The following GBP2 variants were observed in gnomAD, a reference collection of about 807,000 sequenced individuals.
The protein encoded by GBP2 is guanylate binding protein 2.
Under a neutral mutation model 60.8 loss-of-function variants are expected in GBP2, and 54 were observed. The ratio of observed to expected loss-of-function variants is 0.89; its 90% CI spans 0.71 to 1.11. GBP2 has a LOEUF of 1.11. GBP2 is among the 50% of genes most tolerant of loss of function. The pLI is 0.00. For missense variants in GBP2, 665 were observed against 703.3 expected, an observed-to-expected ratio of 0.95 and a Z score of 0.62; for synonymous variants, 243 against 256.5, an observed-to-expected ratio of 0.95 and a Z score of 0.50.
rs751782865 is a variant in GBP2, at chr1:89,110,259, T to G, written c.1370A>C (p.Glu457Ala). Residue 457 changes from glutamate to alanine, a missense_variant, in exon 9 of 11, where the codon GAG (glutamate) becomes GCG (alanine). By Grantham distance (107) the Glu-to-Ala change is moderately radical. Transcript: ENST00000370466. ...QVPRKGIQAK[E>A]VLKKYLESKE... ...GGACTCCAAATATTTTTTCAGCACC[T>G]CTTTGGCCTGGTTATACAGAGAAAG... 11 of 1,612,612 alleles carry G rather than the reference T, an allele frequency of 6.8e-6. No individual in the cohort carries two copies. The highest frequency in any genetic ancestry group is 3.3e-5 in the Admixed American group (2 of 59,968).
Position 89,121,203 on chromosome 1 carries a change from G to A in GBP2, c.258C>T (p.Pro86=). ...KGIWMWCVPH[P]KKPEHTLVLL... is the part of the protein sequence containing the mutation. The stretch of plus-strand genomic sequence containing the variant: ...GAACTAGGGTGTGTTCTGGCTTCTT[G>A]GGATGAGGCACACACCACATCCAGA... Residue 86 remains proline, a synonymous_variant, in exon 3 of 11, where the codon CCC becomes CCT. Transcript: ENST00000370466. 9 of 1,612,616 alleles carry A rather than the reference G, an allele frequency of 5.6e-6. No homozygotes were observed. The highest frequency in any genetic ancestry group is 7.6e-6 in the Non-Finnish European group (9 of 1,179,010).
intron 8 of GBP2, among the ~76,000 whole-genome samples, chr1:89,111,150 A>G (rs1042897538): frequency 6.6e-6 from 1 of 152,192 alleles, no homozygotes; most frequent in African/African-American, 2.4e-5. Context: ...GGTGGAACAT[A>G]CCCCAACATA....
chr1:89,125,930 CTCTCT>C lies in GBP2; in HGVS notation c.-90_-86del, dbSNP rs1681509490. ...ATGTGAAAGTCGAGTCCTTTTCCTC[CTCTCT>C]TTTCTTCCGAGTTTGGCTGCACTGC... On this transcript the variant is annotated 5_prime_UTR_variant, in exon 1 of 11. Coordinates refer to ENST00000370466, the MANE Select transcript of GBP2 (RefSeq NM_004120.5). 6.6e-6 allele frequency: 1 copy of C among 152,292 alleles called. No homozygotes were observed. Among genetic ancestry groups the C allele is most frequent in the Non-Finnish European group, 1.5e-5 (1 of 68,108 alleles). The allele number at this position is 152,292 out of a possible 1,614,324, so 9.4% of individuals were successfully genotyped here. A position where few individuals can be genotyped will look rare whatever the true frequency, so the allele number is the denominator to read the frequency against.
chr1:89,121,739 G>T (rs201526435), intron 2 of GBP2, 38 bp downstream of exon 2: 28 of 1,597,950 alleles, frequency 1.8e-5, no homozygotes, highest in Non-Finnish European at 2.2e-5. Context: ...CCGTGTGTAC[G>T]GACAGAAGGG....
chr1:89,113,431 T>C (rs1681205728), intron 7 of GBP2, among the ~76,000 whole-genome samples: 1 of 152,214 alleles, frequency 6.6e-6, no homozygotes, highest in South Asian at 2.1e-4. Flanking sequence ...GCTATCTAGC[T>C]TCACCAGAAC....
Position 89,112,523 on chromosome 1 carries a change from C to G in GBP2, c.1311G>C (p.Lys437Asn). Residue 437 changes from lysine to asparagine, a missense_variant, in exon 8 of 11, where the codon AAG becomes AAC. Lys to Asn is a moderately conservative substitution (Grantham distance 94). Coordinates refer to ENST00000370466, the MANE Select transcript of GBP2 (RefSeq NM_004120.5). ...AGTACTTATTCTTCAGCTCCTGCAG[C>G]TTCTGAGTAAAGAGACGGTAACCTC... is the stretch of plus-strand genomic sequence containing the variant. ...KPGGYRLFTQ[K>N]LQELKNKYYQ... 6.2e-7 allele frequency: 1 copy of G among 1,614,162 alleles called. No homozygotes were observed.
chr1:89,112,367 A>C lies in GBP2; in HGVS notation c.1362+105T>G, dbSNP rs1053441661. ...ATCAGTAAATGGAAAAATGAAAGGC[A>C]GAGGCCCTAGGCACCAGTTGCAGTG... On this transcript the variant is annotated intron_variant, in intron 8 of 10. Coordinates refer to ENST00000370466, the MANE Select transcript of GBP2 (RefSeq NM_004120.5). The C allele has an allele frequency of 2.3e-5, 20 of 858,162 alleles. No individual in the cohort carries two copies. The African/African-American group carries it at 3.0e-4, about 13-fold the overall frequency. 53.2% of individuals were successfully genotyped at this position (858,162 alleles called of 1,614,324 possible).
chr1:89,121,668 G>T, intron 2 of GBP2, 109 bp downstream of exon 2: 1 of 1,210,518 alleles, frequency 8.3e-7, no homozygotes, highest in Non-Finnish European at 1.2e-6. Context: ...TGGACTGAAA[G>T]TTAGCTTTCA....
intron 1 of GBP2, among the ~76,000 whole-genome samples, chr1:89,124,949 G>A (rs935378063): frequency 9.2e-5 from 14 of 152,040 alleles, no homozygotes; most frequent in African/African-American, 2.4e-4. Context: ...GATGAACCAG[G>A]GCTTGTTTTT....
At chr1:89,117,517 G>T in intron 5 of GBP2, 60 bp downstream of exon 5, 1 of 1,382,410 alleles carries the variant, frequency 7.2e-7, no homozygotes, top group South Asian at 1.2e-5. Context: ...GCACAGAAAT[G>T]GTTATTTTGA....
chr1:89,121,646 AG>A (rs1681398475), intron 2 of GBP2, 130 bp downstream of exon 2: 2 of 916,302 alleles, frequency 2.2e-6, no homozygotes, highest in East Asian at 5.3e-5. Flanking sequence ...GTCAATGTAA[AG>A]AGCCCATTAA....
rs192397379 is a variant in GBP2 at position 89,106,768 on chromosome 1, G to T, written c.*1407C>A. 1 of 152,206 alleles carries T rather than the reference G, an allele frequency of 6.6e-6. No individual in the cohort carries two copies. Among genetic ancestry groups the T allele is most frequent in the African/African-American group, 2.4e-5 (1 of 41,478 alleles). The allele number at this position is 152,206 out of a possible 1,614,324, so 9.4% of individuals were successfully genotyped here. A position where few individuals can be genotyped will look rare whatever the true frequency, so the allele number is the denominator to read the frequency against. On this transcript the variant is annotated 3_prime_UTR_variant, in exon 11 of 11. Transcript: ENST00000370466. ...AGGCATATGATTTAGATTCTTCCCT[G>T]CAGATTGACTTTTGTGAGGCTTAGC... is the stretch of plus-strand genomic sequence containing the variant.
intron 10 of GBP2, among the ~76,000 whole-genome samples, chr1:89,109,217 A>T (rs1045802072): frequency 9.2e-5 from 14 of 152,156 alleles, no homozygotes; most frequent in African/African-American, 3.1e-4. Flanking sequence ...CTTTCTACTC[A>T]TAACAGTGCT....
rs766827297 is a variant in GBP2 at position 89,117,731 on chromosome 1, T to C, written c.471A>G (p.Ser157=). The C allele has an allele frequency of 8.1e-6, 13 of 1,613,778 alleles. No homozygotes were observed. The highest frequency in any genetic ancestry group is 5.9e-6 in the Non-Finnish European group (7 of 1,179,926). The part of the protein sequence containing the change: ...ELTDRIKANS[S]PGNNSVDDSA... ...AGTCGTCTACAGAATTGTTACCAGG[T>C]GAGGAGTTTGCCTTGATTCGATCTG... The change falls in exon 5 of 11, where the codon TCA becomes TCG. Residue 157 remains serine (S), a synonymous_variant. Coordinates refer to ENST00000370466, the MANE Select transcript of GBP2 (RefSeq NM_004120.5).
intron 7 of GBP2, 150 bp downstream of exon 7, chr1:89,113,866 G>A: frequency 1.8e-5 from 19 of 1,059,330 alleles, no homozygotes; most frequent in Non-Finnish European, 2.6e-5. Context: ...TTTTTTAAAG[G>A]TCTAAGGCTA....
rs1681076861 is a variant in GBP2, at chr1:89,107,363, T to G, written c.*812A>C. On this transcript the variant is annotated 3_prime_UTR_variant, in exon 11 of 11. Coordinates refer to ENST00000370466, the MANE Select transcript of GBP2 (RefSeq NM_004120.5). Reference sequence around the variant, plus strand: ...AAGTAATTTGAGTTTGAGTTAAAGCTTTCCTTTCTGTGATTGTAGAAGTTA... The same window carrying G: ...AAGTAATTTGAGTTTGAGTTAAAGCGTTCCTTTCTGTGATTGTAGAAGTTA... Among the ~76,000 whole-genome samples the G allele has an allele frequency of 6.6e-6, 1 of 152,194 alleles. No homozygotes were observed. Among genetic ancestry groups the G allele is most frequent in the Non-Finnish European group, 1.5e-5 (1 of 68,030 alleles).
In GBP2 at chr1:89,109,882, A is replaced by C. The variant is rs751370736; in HGVS notation, c.1466-12T>G. On this transcript the variant is annotated splice_polypyrimidine_tract_variant and intron_variant, in intron 9 of 10. Coordinates refer to ENST00000370466, the MANE Select transcript of GBP2 (RefSeq NM_004120.5). ...CTTTATACGTTCCACTGTGGAAGAAAAATAAGCAGAAAAAGATATGAATAT... is the reference window on the plus strand; with the variant it reads ...CTTTATACGTTCCACTGTGGAAGAACAATAAGCAGAAAAAGATATGAATAT... 2 of 1,601,242 alleles carry C rather than the reference A, an allele frequency of 1.2e-6. No individual in the cohort carries two copies. The highest frequency in any genetic ancestry group is 2.3e-5 in the South Asian group (2 of 88,862).
At chr1:89,113,868 C>T in intron 7 of GBP2, 148 bp downstream of exon 7, 1 of 1,081,034 alleles carries the variant, frequency 9.3e-7, no homozygotes, top group Non-Finnish European at 1.3e-6. Flanking sequence ...TTTTAAAGGT[C>T]TAAGGCTATG....
At chr1:89,124,691 T>G (rs1281683685) in intron 1 of GBP2, among the ~76,000 whole-genome samples, 1 of 152,218 alleles carries the variant, frequency 6.6e-6, no homozygotes, top group African/African-American at 2.4e-5. Flanking sequence ...CAGGAAGCCC[T>G]TTGAGCTACC....
Sources: allele counts gnomAD v4.1 joint callset (sites outside exome capture counted in the v4.1 genomes callset), GRCh38; gene constraint gnomAD v4.1.1; transcripts MANE v1.5; gene names NCBI Gene and HGNC (gene_info 2026-07-23, HGNC 2026-07-21).